The following LAPTM4B variants were observed in gnomAD, a reference collection of about 807,000 sequenced individuals.
LAPTM4B encodes the protein lysosomal protein transmembrane 4 beta, also known as lysosomal-associated transmembrane protein 4B.
Under a neutral mutation model 28.5 loss-of-function variants are expected in LAPTM4B, and 26 were observed. That is an observed-to-expected ratio of 0.91 (90% confidence interval 0.67 to 1.27). The LOEUF is 1.27. LAPTM4B is among the 50% of genes most tolerant of loss of function. LAPTM4B has a pLI of 0.00. For missense variants in LAPTM4B, 288 were observed against 285.8 expected (o/e 1.01, Z -0.06); for synonymous variants, 109 against 106.4 (o/e 1.02, Z -0.15).
chr8:97,799,968 C>T (rs1437508600), intron 1 of LAPTM4B, among the ~76,000 whole-genome samples: 1 of 152,150 alleles, frequency 6.6e-6, no homozygotes, highest in African/African-American at 2.4e-5. Context: ...TTTTGAGTTC[C>T]TGTTCAAATG....
intron 1 of LAPTM4B, among the ~76,000 whole-genome samples, chr8:97,797,192 C>T (rs1056258664): frequency 6.7e-6 from 1 of 150,006 alleles, no homozygotes; most frequent in African/African-American, 2.5e-5. Flanking sequence ...TGGAGTGCAA[C>T]GGTGCGACCT....
chr8:97,840,432 A>G (rs950361854), intron 6 of LAPTM4B, among the ~76,000 whole-genome samples: 3 of 152,182 alleles, frequency 2.0e-5, no homozygotes, highest in Non-Finnish European at 4.4e-5. Flanking sequence ...TAAATTGAGG[A>G]TAAAAATCTA....
intron 1 of LAPTM4B, among the ~76,000 whole-genome samples, chr8:97,784,626 G>C (rs1816373688): frequency 6.6e-6 from 1 of 152,046 alleles, no homozygotes; most frequent in Non-Finnish European, 1.5e-5. Context: ...TTTTAATAGA[G>C]ATGAGGTTTC....
chr8:97,800,618 T>G (rs2129760326), intron 1 of LAPTM4B, among the ~76,000 whole-genome samples: 1 of 151,458 alleles, frequency 6.6e-6, no homozygotes, highest in South Asian at 2.1e-4. Flanking sequence ...TGCCTCAGCT[T>G]CCGGAGTAGC....
At chr8:97,813,602 G>A (rs192700728) in intron 2 of LAPTM4B, among the ~76,000 whole-genome samples, 2 of 152,372 alleles carry the variant, frequency 1.3e-5, no homozygotes, top group East Asian at 3.9e-4. Context: ...TGGATCTGTT[G>A]AGGTCCTGTT....
At chr8:97,801,591 C>G (rs1266718990) in intron 1 of LAPTM4B, among the ~76,000 whole-genome samples, 1 of 152,110 alleles carries the variant, frequency 6.6e-6, no homozygotes, top group African/African-American at 2.4e-5. Context: ...TGCAGTGGCT[C>G]ACACCTGTAA....
At chr8:97,847,923 T>G (rs916656529) in intron 6 of LAPTM4B, among the ~76,000 whole-genome samples, 5 of 152,166 alleles carry the variant, frequency 3.3e-5, no homozygotes, top group African/African-American at 1.2e-4. Flanking sequence ...AAGCTTTGGA[T>G]TAAGGGTCCA....
intron 5 of LAPTM4B, among the ~76,000 whole-genome samples, chr8:97,821,302 C>T (rs1816997705): frequency 6.7e-6 from 1 of 150,244 alleles, no homozygotes; most frequent in Non-Finnish European, 1.5e-5. Flanking sequence ...AGCTACTGCA[C>T]TCCAGCCTGG....
chr8:97,808,274 C>G (rs1295042171), intron 2 of LAPTM4B, among the ~76,000 whole-genome samples: 3 of 151,726 alleles, frequency 2.0e-5, no homozygotes, highest in Non-Finnish European at 4.4e-5. Flanking sequence ...CATGGCAAAA[C>G]CCCATCTCTA....
chr8:97,837,159 T>A (rs2129837553), intron 6 of LAPTM4B, among the ~76,000 whole-genome samples: 1 of 151,448 alleles, frequency 6.6e-6, no homozygotes, highest in African/African-American at 2.4e-5. Context: ...CTTTCAAAAA[T>A]TGTGCATGAA....
chr8:97,833,152 G>A (rs1336839231), intron 6 of LAPTM4B, among the ~76,000 whole-genome samples: 3 of 151,902 alleles, frequency 2.0e-5, no homozygotes, highest in South Asian at 2.1e-4. Context: ...TGGCCAACAC[G>A]GTGAAAACCC....
intron 5 of LAPTM4B, among the ~76,000 whole-genome samples, chr8:97,821,758 T>G (rs1817006968): frequency 6.6e-6 from 1 of 152,094 alleles, no homozygotes; most frequent in Non-Finnish European, 1.5e-5. Context: ...TGCTCTGGGC[T>G]TAGATTGTAG....
chr8:97,846,052 G>C, intron 6 of LAPTM4B, among the ~76,000 whole-genome samples: 1 of 150,804 alleles, frequency 6.6e-6, no homozygotes, highest in Admixed American at 6.6e-5. Context: ...ACAGGGTCTT[G>C]CTATGTTGTC....
At chr8:97,805,312 GTTAC>G (rs773621997) in intron 1 of LAPTM4B, 37 bp from the exon 2 acceptor site, 4 of 1,083,926 alleles carry the variant, frequency 3.7e-6, no homozygotes, top group Admixed American at 2.1e-5. Context: ...GCATCCTGGG[GTTAC>G]TTAAATTCTT....
intron 1 of LAPTM4B, among the ~76,000 whole-genome samples, chr8:97,802,926 C>T (rs979607206): frequency 6.6e-6 from 1 of 152,044 alleles, no homozygotes. Flanking sequence ...TCCGGCCAGG[C>T]ACGGTGCCTC....
intron 6 of LAPTM4B, among the ~76,000 whole-genome samples, chr8:97,841,060 C>G (rs1817340306): frequency 6.8e-6 from 1 of 147,408 alleles, no homozygotes; most frequent in South Asian, 2.2e-4. Flanking sequence ...TCCTCACTTC[C>G]CAGACAGTGG....
intron 6 of LAPTM4B, among the ~76,000 whole-genome samples, chr8:97,831,094 G>A (rs934563157): frequency 4.6e-5 from 7 of 152,130 alleles, no homozygotes; most frequent in Admixed American, 2.0e-4. Flanking sequence ...GTTTTTAAAC[G>A]ACTGTTGGCC....
chr8:97,824,098 A>G (rs1039563007), intron 5 of LAPTM4B, among the ~76,000 whole-genome samples: 3 of 151,972 alleles, frequency 2.0e-5, no homozygotes, highest in African/African-American at 4.8e-5. Context: ...GGTTGCTTCT[A>G]CTTTTTGGCT....
At chr8:97,823,567 G>A (rs1817043399) in intron 5 of LAPTM4B, among the ~76,000 whole-genome samples, 1 of 151,494 alleles carries the variant, frequency 6.6e-6, no homozygotes, top group South Asian at 2.1e-4. Flanking sequence ...TGGAGACGGG[G>A]TTTCACTGTG....
Sources: allele counts gnomAD v4.1 joint callset (sites outside exome capture counted in the v4.1 genomes callset), GRCh38; gene constraint gnomAD v4.1.1; transcripts MANE v1.5; gene names NCBI Gene and HGNC (gene_info 2026-07-23, HGNC 2026-07-21).